FCHSD2: variants seen among roughly 807,000 people sequenced by gnomAD.
The protein encoded by FCHSD2 is F-BAR and double SH3 domains protein 2.
In FCHSD2, 38 loss-of-function variants were observed where a neutral mutation model predicts 108.1. The observed-to-expected ratio is 0.35, with a 90% CI of 0.27 to 0.46. The LOEUF is 0.46. FCHSD2 is among the 20% of genes least tolerant of loss of function. The pLI is 1.00. For missense variants in FCHSD2, 751 were observed against 897.8 expected (o/e 0.84, Z 2.09); for synonymous variants, 279 against 314.7 (o/e 0.89, Z 1.20).
rs1186710926 is a variant in FCHSD2, at chr11:72,842,845, G to A, written c.1706-4C>T. ...TAAAGTGCTTTCACAAAACATACTA[G>A]GGAGCAAGAGAAAAACAAATCTGGT... On this transcript the variant is annotated splice_polypyrimidine_tract_variant and splice_region_variant and intron_variant, in intron 16 of 19. Transcript: ENST00000409418. 4 of 1,610,236 alleles carry A rather than the reference G, an allele frequency of 2.5e-6. No individual in the cohort carries two copies. Among genetic ancestry groups the A allele is most frequent in the Non-Finnish European group, 3.4e-6 (4 of 1,177,386 alleles).
At chr11:73,067,308 A>C (rs761459042) in intron 3 of FCHSD2, among the ~76,000 whole-genome samples, 1 of 152,118 alleles carries the variant, frequency 6.6e-6, no homozygotes, top group South Asian at 2.1e-4. Context: ...AGGGAGGGGA[A>C]TATCACACAC....
chr11:73,090,380 T>C (rs909660588), intron 2 of FCHSD2, among the ~76,000 whole-genome samples: 13 of 151,998 alleles, frequency 8.6e-5, no homozygotes, highest in African/African-American at 1.9e-4. Flanking sequence ...CGCCCGCCAC[T>C]ACGCCCAGCT....
intron 10 of FCHSD2, among the ~76,000 whole-genome samples, chr11:72,896,890 G>C (rs368544385): frequency 1.3e-5 from 2 of 151,500 alleles, no homozygotes; most frequent in Non-Finnish European, 2.9e-5. Flanking sequence ...GCAGTGGCGC[G>C]ATCTCGGCTC....
At chr11:72,940,643 G>A (rs769816393) in intron 8 of FCHSD2, 25 of 1,440,960 alleles carry the variant, frequency 1.7e-5, no homozygotes, top group African/African-American at 4.2e-5. Flanking sequence ...GATAAAGCGC[G>A]CCGACCAGGC....
chr11:73,076,369 A>T (rs952619277), intron 3 of FCHSD2, among the ~76,000 whole-genome samples: 1 of 152,224 alleles, frequency 6.6e-6, no homozygotes, highest in African/African-American at 2.4e-5. Flanking sequence ...AATAAAAAGG[A>T]ATAAATTAAT....
chr11:72,875,968 G>A (rs976356292), intron 12 of FCHSD2, among the ~76,000 whole-genome samples: 1 of 152,200 alleles, frequency 6.6e-6, no homozygotes, highest in Non-Finnish European at 1.5e-5. Flanking sequence ...CCAGCCCTCT[G>A]GCCAGTCCTC....
chr11:73,120,374 G>A (rs1418596399), intron 2 of FCHSD2, among the ~76,000 whole-genome samples: 5 of 152,134 alleles, frequency 3.3e-5, no homozygotes, highest in African/African-American at 7.2e-5. Flanking sequence ...AGTATTAATT[G>A]GCCAACAATG....
At chr11:73,073,734 G>A (rs1041293120) in intron 3 of FCHSD2, among the ~76,000 whole-genome samples, 3 of 152,112 alleles carry the variant, frequency 2.0e-5, no homozygotes, top group African/African-American at 7.2e-5. Flanking sequence ...TTTCCAGTTG[G>A]CCATAATGCC....
intron 12 of FCHSD2, among the ~76,000 whole-genome samples, chr11:72,880,008 A>G (rs1354042331): frequency 6.7e-6 from 1 of 149,062 alleles, no homozygotes; most frequent in Non-Finnish European, 1.5e-5. Context: ...TCAAAAAAAA[A>G]AAAAAAAAAA....
intron 2 of FCHSD2, among the ~76,000 whole-genome samples, chr11:73,116,787 T>C (rs1164845861): frequency 6.6e-6 from 1 of 152,168 alleles, no homozygotes; most frequent in Non-Finnish European, 1.5e-5. Context: ...ATCTCCCAAC[T>C]TGGCCTCTCA....
At chr11:72,961,405 T>TTTGTTG (rs145240576) in intron 8 of FCHSD2, among the ~76,000 whole-genome samples, 54 of 151,132 alleles carry the variant, frequency 3.6e-4, no homozygotes, top group Middle Eastern at 3.4e-3. Flanking sequence ...TAAGAAGTTT[T>TTTGTTG]TTGTTGTTGT....
intron 8 of FCHSD2, among the ~76,000 whole-genome samples, chr11:72,980,341 G>A (rs570937079): frequency 1.7e-4 from 26 of 152,266 alleles, no homozygotes; most frequent in Non-Finnish European, 3.2e-4. Flanking sequence ...AATCTGCTCC[G>A]TCGAAACTTT....
intron 10 of FCHSD2, among the ~76,000 whole-genome samples, chr11:72,893,775 T>C (rs1188029142): frequency 2.0e-5 from 3 of 152,142 alleles, no homozygotes; most frequent in Non-Finnish European, 4.4e-5. Context: ...CTAGTCCCTT[T>C]AGAATAAAAT....
intron 2 of FCHSD2, among the ~76,000 whole-genome samples, chr11:73,104,907 C>G (rs1165949196): frequency 6.6e-6 from 1 of 152,128 alleles, no homozygotes; most frequent in Non-Finnish European, 1.5e-5. Context: ...TGGTGAAAAT[C>G]TATATTTTAC....
intron 2 of FCHSD2, among the ~76,000 whole-genome samples, chr11:73,132,879 C>T (rs964513098): frequency 6.9e-6 from 1 of 145,362 alleles, no homozygotes; most frequent in Non-Finnish European, 1.5e-5. Flanking sequence ...GAAAAAAATA[C>T]TGCATATATT....
rs188317584 is a variant in FCHSD2 at position 73,074,606 on chromosome 11, T to C, written c.165+9089A>G. 1.0e-3 allele frequency among the ~76,000 whole-genome samples: 155 copies of C among 152,278 alleles called. 1 individual carries two copies. The highest frequency in any genetic ancestry group is 1.5e-3 in the Non-Finnish European group (104 of 68,020). On this transcript the variant is annotated intron_variant, in intron 3 of 19. Coordinates refer to ENST00000409418, the MANE Select transcript of FCHSD2 (RefSeq NM_014824.3). Reference sequence around the variant, plus strand: ...CACTGAATATAAAAGAAAAAAAATATATTTCCTTAAAATTAAAAACTTGTT... The same window carrying C: ...CACTGAATATAAAAGAAAAAAAATACATTTCCTTAAAATTAAAAACTTGTT...
rs1394113313 is a variant in FCHSD2, at chr11:73,106,058, A to G, written c.120-22318T>C. On this transcript the variant is annotated intron_variant, in intron 2 of 19. Coordinates refer to ENST00000409418, the MANE Select transcript of FCHSD2 (RefSeq NM_014824.3). ...AGAACTGGGATGAACTTTAGAAATT[A>G]TGTGGAGAACATCTGTGGTTCACAG... 2.0e-5 allele frequency among the ~76,000 whole-genome samples: 3 copies of G among 152,344 alleles called. No homozygotes were observed. The East Asian group carries it at 5.8e-4, about 29-fold the overall frequency.
intron 12 of FCHSD2, among the ~76,000 whole-genome samples, chr11:72,884,495 A>T (rs973376974): frequency 3.4e-4 from 51 of 149,240 alleles, no homozygotes; most frequent in African/African-American, 1.0e-3. Flanking sequence ...ATCTGTGTGT[A>T]TGTTATATAT....
At chr11:72,947,756 C>CACATGCTCA (rs1555060348) in intron 8 of FCHSD2, among the ~76,000 whole-genome samples, 1 of 152,158 alleles carries the variant, frequency 6.6e-6, no homozygotes, top group Non-Finnish European at 1.5e-5. Context: ...ATAATTTTCT[C>CACATGCTCA]ATAAAGAAAA....
Sources: allele counts gnomAD v4.1 joint callset (sites outside exome capture counted in the v4.1 genomes callset), GRCh38; gene constraint gnomAD v4.1.1; transcripts MANE v1.5; gene names NCBI Gene and HGNC (gene_info 2026-07-23, HGNC 2026-07-21).